VPS53: variants seen among roughly 807,000 people sequenced by gnomAD.
The protein encoded by VPS53 is VPS53 subunit of GARP complex, also known as vacuolar protein sorting-associated protein 53 homolog.
VPS53 carries 70 observed loss-of-function variants against 107.0 expected under a neutral mutation model. That is an observed-to-expected ratio of 0.65 (90% confidence interval 0.54 to 0.80). The LOEUF is 0.80. Among genes scored for constraint, VPS53 ranks in the 30% least tolerant of loss-of-function variants. The pLI is 0.00. For synonymous variants in VPS53, 409 were observed against 393.3 expected, an observed-to-expected ratio of 1.04 and a Z score of -0.47; for missense variants, 917 against 1,049.4, an observed-to-expected ratio of 0.87 and a Z score of 1.74.
rs547924851 is a variant in VPS53, at chr17:594,541, G to A, written c.1218+7254C>T. ...GATGCACTCTAGTGTCCCCCCTGGAGGAAGCTGGGAGATGGGAAGGGGTCT... is the reference window on the plus strand; with the variant it reads ...GATGCACTCTAGTGTCCCCCCTGGAAGAAGCTGGGAGATGGGAAGGGGTCT... On this transcript the variant is annotated intron_variant, in intron 12 of 21. Coordinates refer to ENST00000437048, the MANE Select transcript of VPS53 (RefSeq NM_001128159.3). Among the ~76,000 whole-genome samples, 4 of 150,098 alleles carry A rather than the reference G, an allele frequency of 2.7e-5. No individual in the cohort carries two copies. The South Asian group carries it at 8.6e-4, about 32-fold the overall frequency.
chr17:601,113 C>T (rs1480591179), intron 12 of VPS53: 1 of 152,206 alleles, frequency 6.6e-6, no homozygotes, highest in Admixed American at 6.5e-5. Context: ...AATCCTCCAG[C>T]AGCCAAGTGT....
intron 13 of VPS53, among the ~76,000 whole-genome samples, chr17:578,033 G>A (rs1260738525): frequency 6.7e-6 from 1 of 148,618 alleles, no homozygotes; most frequent in African/African-American, 2.5e-5. Context: ...CTTCCCTTAG[G>A]ACCTCAATGC....
At chr17:665,249 G>A (rs953227328) in intron 4 of VPS53, among the ~76,000 whole-genome samples, 1 of 152,102 alleles carries the variant, frequency 6.6e-6, no homozygotes, top group African/African-American at 2.4e-5. Context: ...ATGGGACGAC[G>A]CAGTGAGAAG....
At chr17:634,986 G>A in intron 7 of VPS53, among the ~76,000 whole-genome samples, 1 of 152,110 alleles carries the variant, frequency 6.6e-6, no homozygotes, top group Non-Finnish European at 1.5e-5. Context: ...CCTCCACAAT[G>A]GTTGAACTAG....
In VPS53 at chr17:632,642, T is replaced by A. The variant is rs1403331277; in HGVS notation, c.609-1014A>T. On this transcript the variant is annotated intron_variant, in intron 7 of 21. Transcript: ENST00000437048. ...ACTGTATTTTTGTGCCCAGTAGCCATCCCAGTTACTCCCCGCCTCCCTGCT... is the reference window on the plus strand; with the variant it reads ...ACTGTATTTTTGTGCCCAGTAGCCAACCCAGTTACTCCCCGCCTCCCTGCT... The A allele has an allele frequency of 1.8e-5, 8 of 450,296 alleles. No individual in the cohort carries two copies. In the East Asian group the frequency reaches 5.6e-4, roughly 32 times the overall value. 27.9% of individuals were successfully genotyped at this position (450,296 alleles called of 1,614,324 possible). A position where few individuals can be genotyped will look rare whatever the true frequency, so the allele number is the denominator to read the frequency against.
chr17:647,383 T>G (rs1412400867), intron 7 of VPS53, among the ~76,000 whole-genome samples: 2 of 152,230 alleles, frequency 1.3e-5, no homozygotes, highest in Non-Finnish European at 2.9e-5. Context: ...TTTCTTATCT[T>G]TGTGCCTTCA....
intron 12 of VPS53, 80 bp from the exon 13 acceptor site, chr17:586,444 C>G: frequency 7.5e-7 from 1 of 1,326,918 alleles, no homozygotes; most frequent in Non-Finnish European, 1.1e-6. Flanking sequence ...AACATCATTT[C>G]AAAGTTCATT....
At chr17:700,300 T>C (rs1250278955) in intron 2 of VPS53, among the ~76,000 whole-genome samples, 4 of 152,044 alleles carry the variant, frequency 2.6e-5, no homozygotes, top group South Asian at 2.1e-4. Context: ...CCCAGCACTT[T>C]GGGAGGCCAA....
At chr17:522,861 C>G (rs1597241676) in intron 19 of VPS53, 1 of 152,184 alleles carries the variant, frequency 6.6e-6, no homozygotes, top group East Asian at 1.9e-4. Context: ...CTTACCTACC[C>G]TGGATGTTAT....
chr17:635,191 CTTCTT>C (rs1970142734), intron 7 of VPS53, among the ~76,000 whole-genome samples: 1 of 152,152 alleles, frequency 6.6e-6, no homozygotes, highest in South Asian at 2.1e-4. Flanking sequence ...GCATAAATGT[CTTCTT>C]TTGAGAAGCA....
intron 4 of VPS53, among the ~76,000 whole-genome samples, chr17:663,990 A>C (rs1463442199): frequency 2.6e-5 from 4 of 152,196 alleles, no homozygotes; most frequent in Admixed American, 6.5e-5. Flanking sequence ...AATAAGGGAG[A>C]TGGTGGTCAC....
At chr17:607,776 T>C (rs1237910538) in intron 11 of VPS53, among the ~76,000 whole-genome samples, 2 of 152,234 alleles carry the variant, frequency 1.3e-5, no homozygotes, top group Admixed American at 1.3e-4. Flanking sequence ...ATTCTTCATA[T>C]AGCAAGTTAA....
intron 11 of VPS53, among the ~76,000 whole-genome samples, chr17:604,312 A>G (rs1381772941): frequency 2.0e-5 from 3 of 152,124 alleles, no homozygotes; most frequent in African/African-American, 7.2e-5. Flanking sequence ...GGCGTAAAGC[A>G]TCAAGAAAAC....
intron 13 of VPS53, among the ~76,000 whole-genome samples, chr17:566,187 G>A (rs1320822643): frequency 7.1e-6 from 1 of 141,040 alleles, no homozygotes; most frequent in Non-Finnish European, 1.5e-5. Flanking sequence ...CTGGGCGACA[G>A]AGCGAGACTC....
intron 7 of VPS53, among the ~76,000 whole-genome samples, chr17:636,400 C>T (rs1970199343): frequency 6.6e-6 from 1 of 152,150 alleles, no homozygotes; most frequent in Admixed American, 6.5e-5. Context: ...TAATTGAATA[C>T]CCTTTATTTC....
intron 4 of VPS53, among the ~76,000 whole-genome samples, chr17:672,677 C>T (rs1372623720): frequency 6.6e-6 from 1 of 152,132 alleles, no homozygotes; most frequent in African/African-American, 2.4e-5. Flanking sequence ...TTCATTCATT[C>T]AATTAAAAAG....
At chr17:655,118 T>C (rs1460518917) in intron 6 of VPS53, among the ~76,000 whole-genome samples, 2 of 152,162 alleles carry the variant, frequency 1.3e-5, no homozygotes, top group African/African-American at 2.4e-5. Context: ...CCTGTCCACA[T>C]ACGGAATCAC....
intron 1 of VPS53, chr17:714,270 G>C (rs1486613642): frequency 1.2e-5 from 3 of 254,652 alleles, no homozygotes; most frequent in African/African-American, 2.2e-5. Context: ...CAAAACCGGG[G>C]CGTTGGCACG....
At chr17:677,758 A>G (rs1489487346) in intron 4 of VPS53, among the ~76,000 whole-genome samples, 1 of 152,164 alleles carries the variant, frequency 6.6e-6, no homozygotes, top group Non-Finnish European at 1.5e-5. Flanking sequence ...GAAAAAGGTT[A>G]TATTTACTAA....
Sources: allele counts gnomAD v4.1 joint callset (sites outside exome capture counted in the v4.1 genomes callset), GRCh38; gene constraint gnomAD v4.1.1; transcripts MANE v1.5; gene names NCBI Gene and HGNC (gene_info 2026-07-23, HGNC 2026-07-21).